MROH1: variants seen among roughly 807,000 people sequenced by gnomAD.
MROH1 encodes the protein maestro heat like repeat family member 1, also known as maestro heat-like repeat-containing protein family member 1.
A neutral mutation model predicts 116.5 loss-of-function variants in MROH1; 117 were observed. The ratio of observed to expected loss-of-function variants is 1.00; its 90% CI spans 0.86 to 1.17. The LOEUF (loss-of-function observed/expected upper bound fraction) is 1.17. Among genes scored for constraint, MROH1 ranks in the 50% most tolerant of loss-of-function variants. MROH1 has a pLI of 0.00. For synonymous variants in MROH1, 921 were observed against 583.9 expected, an observed-to-expected ratio of 1.58 and a Z score of -8.32; for missense variants, 1,873 against 1,338.5, an observed-to-expected ratio of 1.40 and a Z score of -6.23.
chr8:144,219,499 G>A (rs991649966), intron 12 of MROH1, among the ~76,000 whole-genome samples: 2 of 152,070 alleles, frequency 1.3e-5, no homozygotes, highest in African/African-American at 4.8e-5. Context: ...TCCCAGTTCT[G>A]AGGCTATGAA....
intron 3 of MROH1, 60 bp from the exon 4 acceptor site, chr8:144,168,235 G>A (rs1821435219): frequency 1.1e-5 from 16 of 1,491,464 alleles, no homozygotes; most frequent in South Asian, 1.0e-4. Flanking sequence ...AGTGGCAGCC[G>A]AGGTGTGATA....
chr8:144,212,013 C>G (rs1834206546), intron 12 of MROH1, among the ~76,000 whole-genome samples: 1 of 152,092 alleles, frequency 6.6e-6, no homozygotes, highest in Non-Finnish European at 1.5e-5. Context: ...TTGCTTTAGA[C>G]CTGGAATTGG....
chr8:144,253,637 C>T lies in MROH1; in HGVS notation c.3429-1176C>T, dbSNP rs1588511104. ...TGCCAGGTCATTTGCTCCCCACACT[C>T]ACGCCCAGCCCTCTGCTGCTTGCCT... On this transcript the variant is annotated intron_variant, in intron 33 of 43. Transcript: ENST00000326134. 3.9e-5 allele frequency among the ~76,000 whole-genome samples: 6 copies of T among 152,194 alleles called. No individual in the cohort carries two copies. The East Asian group carries it at 9.7e-4, about 25-fold the overall frequency.
In MROH1 at chr8:144,182,076, C is replaced by T. The variant is rs1439692546; in HGVS notation, c.562+1553C>T. 6.6e-6 allele frequency among the ~76,000 whole-genome samples: 1 copy of T among 152,238 alleles called. No homozygotes were observed. Among genetic ancestry groups the T allele is most frequent in the Non-Finnish European group, 1.5e-5 (1 of 68,034 alleles). On this transcript the variant is annotated intron_variant, in intron 7 of 43. Coordinates refer to ENST00000326134, the MANE Select transcript of MROH1 (RefSeq NM_032450.3). This position sits in a 1 kb window ranked among gnomAD's most constrained non-coding sequence, Gnocchi z 4.1. ...TGCTCCCCACCACAAATGGAACGTT[C>T]CCTGTTTGCATCTGGAGGGGTTGGT... is the stretch of plus-strand genomic sequence containing the variant.
intron 12 of MROH1, among the ~76,000 whole-genome samples, chr8:144,216,872 T>G (rs1002204245): frequency 1.5e-4 from 23 of 152,236 alleles, no homozygotes; most frequent in African/African-American, 4.6e-4. Context: ...GTATCTTTAG[T>G]AGAGACGGGG....
At chr8:144,236,460 G>T (rs1319749876) in intron 14 of MROH1, among the ~76,000 whole-genome samples, 1 of 152,176 alleles carries the variant, frequency 6.6e-6, no homozygotes, top group Non-Finnish European at 1.5e-5. Flanking sequence ...TCAGCATCAG[G>T]CCGGGTGCGG....
chr8:144,213,506 G>A (rs919799211), intron 12 of MROH1: 18 of 160,438 alleles, frequency 1.1e-4, no homozygotes, highest in Non-Finnish European at 2.7e-5. Context: ...ATGATTTGCT[G>A]GGCTGGGAGC....
At chr8:144,213,255 T>C (rs1834557405) in intron 12 of MROH1, 1 of 619,882 alleles carries the variant, frequency 1.6e-6, no homozygotes, top group South Asian at 2.0e-5. Context: ...TCCAAAGCTC[T>C]TTCTCTGTAG....
At chr8:144,249,844 G>A (rs1187345699) in intron 32 of MROH1, among the ~76,000 whole-genome samples, 2 of 152,208 alleles carry the variant, frequency 1.3e-5, no homozygotes, top group Non-Finnish European at 2.9e-5. Context: ...TGCCTCCGGT[G>A]GGCCTGCCAG....
At chr8:144,245,088 G>A (rs1050839942) in intron 28 of MROH1, 68 bp from the exon 29 acceptor site, 9 of 776,902 alleles carry the variant, frequency 1.2e-5, no homozygotes, top group Non-Finnish European at 1.7e-5. Context: ...GCTGGCCCAC[G>A]ATGCACAAGG....
rs1588435603 is a variant in MROH1, at chr8:144,241,061, C to A, written c.2005C>A (p.Leu669Ile). 13 of 775,810 alleles carry A rather than the reference C, an allele frequency of 1.7e-5. No individual in the cohort carries two copies. The East Asian group carries it at 2.9e-4, about 17-fold the overall frequency. The allele number at this position is 775,810 out of a possible 1,614,324, so 48.1% of individuals were successfully genotyped here. Reference protein sequence around the residue: ...ASSKEVVRKHLQELLETARYQ... With the variant: ...ASSKEVVRKHIQELLETARYQ... Reference sequence around the variant, plus strand: ...AAGTAAGGAGGTGGTGAGGAAGCACCTTCAAGAGCTGCTGGAGACGGCCAG... The same window carrying A: ...AAGTAAGGAGGTGGTGAGGAAGCACATTCAAGAGCTGCTGGAGACGGCCAG... Residue 669 changes from leucine to isoleucine, a missense_variant, in exon 21 of 44, where the codon CTT becomes ATT. Leu to Ile is a conservative substitution (Grantham distance 5). Transcript: ENST00000326134.
At chr8:144,171,672 C>T (rs996469640) in intron 4 of MROH1, among the ~76,000 whole-genome samples, 1 of 152,206 alleles carries the variant, frequency 6.6e-6, no homozygotes, top group African/African-American at 2.4e-5. Flanking sequence ...CTTATTCCGC[C>T]ATGCAGAAGC....
chr8:144,216,033 A>G (rs1430716857), intron 12 of MROH1, among the ~76,000 whole-genome samples: 4 of 151,870 alleles, frequency 2.6e-5, no homozygotes, highest in African/African-American at 4.8e-5. Context: ...TAAAAATACA[A>G]AATTAGCCGG....
intron 7 of MROH1, among the ~76,000 whole-genome samples, chr8:144,183,804 C>A (rs1017785550): frequency 2.0e-5 from 3 of 152,044 alleles, no homozygotes; most frequent in Admixed American, 6.6e-5. Flanking sequence ...CCCACCACCA[C>A]GCCTGGCTAA....
intron 3 of MROH1, among the ~76,000 whole-genome samples, chr8:144,165,353 A>G (rs1284599338): frequency 6.6e-6 from 1 of 152,062 alleles, no homozygotes; most frequent in South Asian, 2.1e-4. Context: ...TCCTGACCTC[A>G]GGTGATCCAT....
intron 14 of MROH1, among the ~76,000 whole-genome samples, chr8:144,228,842 T>G (rs1838290578): frequency 6.6e-6 from 1 of 152,260 alleles, no homozygotes; most frequent in Admixed American, 6.5e-5. Flanking sequence ...CTATGTCTTA[T>G]GCACTGCTAT....
intron 14 of MROH1, among the ~76,000 whole-genome samples, chr8:144,225,227 A>C (rs1354891962): frequency 6.6e-6 from 1 of 151,868 alleles, no homozygotes; most frequent in African/African-American, 2.4e-5. Flanking sequence ...CCCATTTTCA[A>C]ATTGGGTTGT....
At chr8:144,195,233 GGCTCATGCC>G (rs1829584278) in intron 10 of MROH1, among the ~76,000 whole-genome samples, 1 of 68,602 alleles carries the variant, frequency 1.5e-5, no homozygotes, top group Admixed American at 1.9e-4. Flanking sequence ...CGAGTGCCAT[GGCTCATGCC>G]TGTAATCCCA....
At chr8:144,168,650 A>T (rs578114894) in intron 4 of MROH1, among the ~76,000 whole-genome samples, 22 of 152,224 alleles carry the variant, frequency 1.4e-4, no homozygotes, top group Non-Finnish European at 2.4e-4. Context: ...TCCCCCCACC[A>T]CGGCACTGTT....
Sources: gnomAD v4.1 joint callset for allele counts (sites outside exome capture counted in the v4.1 genomes callset) on GRCh38, gnomAD v4.1.1 for gene constraint, Gnocchi (gnomAD v3.1) non-coding constraint, MANE v1.5 for transcripts, NCBI Gene and HGNC (gene_info 2026-07-23, HGNC 2026-07-21) for gene names.